PTBP3: variants seen among roughly 807,000 people sequenced by gnomAD.
PTBP3 encodes polypyrimidine tract-binding protein 3.
A neutral mutation model predicts 58.7 loss-of-function variants in PTBP3; 20 were observed. The ratio of observed to expected loss-of-function variants is 0.34; its 90% CI spans 0.24 to 0.50. The LOEUF is 0.50. Ranked by LOEUF, PTBP3 falls within the 20% of genes least tolerant of loss-of-function variation. The pLI, the probability that PTBP3 is intolerant of heterozygous loss-of-function variation, is 0.98. For synonymous variants in PTBP3, 185 were observed against 219.8 expected (o/e 0.84, Z 1.40); for missense variants, 509 against 637.2 (o/e 0.80, Z 2.17).
intron 13 of PTBP3, 55 bp downstream of exon 13, chr9:112,224,078 A>G: frequency 6.4e-7 from 1 of 1,550,674 alleles, no homozygotes; most frequent in African/African-American, 1.4e-5. Flanking sequence ...CTACCTTTAA[A>G]ATTTGCATAC....
chr9:112,256,274 T>A (rs1349742229), intron 5 of PTBP3, among the ~76,000 whole-genome samples: 15 of 59,966 alleles, frequency 2.5e-4, no homozygotes, highest in South Asian at 3.8e-4. Context: ...AAAAACAAAA[T>A]ATATATATAT....
At chr9:112,289,485 C>T (rs1245005263) in intron 2 of PTBP3, among the ~76,000 whole-genome samples, 1 of 152,034 alleles carries the variant, frequency 6.6e-6, no homozygotes. Context: ...TTTTGGTCAA[C>T]AGAAGTACCA....
intron 7 of PTBP3, among the ~76,000 whole-genome samples, chr9:112,239,224 C>A (rs890970163): frequency 4.6e-5 from 7 of 151,968 alleles, no homozygotes; most frequent in African/African-American, 1.7e-4. Context: ...AACTTCAAAC[C>A]AGTAGTGGAA....
rs188820041 is a variant in PTBP3 at position 112,266,014 on chromosome 9, T to C, written c.351+2035A>G. On this transcript the variant is annotated intron_variant, in intron 4 of 13. Transcript: ENST00000374257. The stretch of plus-strand genomic sequence containing the variant: ...AGCATGGTACTGAAGTCAGAAAAGA[T>C]TGTATTATGACATCCTAAGAGCTTT... 1.8e-3 allele frequency among the ~76,000 whole-genome samples: 271 copies of C among 152,272 alleles called. 1 individual carries two copies. The highest frequency in any genetic ancestry group is 0.01 in the Middle Eastern group (3 of 294).
At chr9:112,303,645 C>A (rs1220684862) in intron 1 of PTBP3, among the ~76,000 whole-genome samples, 1 of 151,880 alleles carries the variant, frequency 6.6e-6, no homozygotes, top group Non-Finnish European at 1.5e-5. Flanking sequence ...GCGGGCAGAT[C>A]ATGAGGTCAG....
At chr9:112,299,488 G>C (rs1828823879) in intron 1 of PTBP3, among the ~76,000 whole-genome samples, 1 of 152,116 alleles carries the variant, frequency 6.6e-6, no homozygotes, top group African/African-American at 2.4e-5. Context: ...TTTATATCCA[G>C]CACGTACTAA....
At position 112,287,956 on chromosome 9, in the gene PTBP3, T is replaced by C. The variant is rs145834314; in HGVS notation, c.34+9876A>G. On this transcript the variant is annotated intron_variant, in intron 2 of 13. Coordinates refer to ENST00000374257, the MANE Select transcript of PTBP3 (RefSeq NM_001163788.4). ...GGTCACATTTTTTTGGTTCTTAACA[T>C]GTCTGGCAATTGGATGCTCCACATT... 4.0e-3 allele frequency among the ~76,000 whole-genome samples: 605 copies of C among 152,338 alleles called. 4 individuals are homozygous for C. The highest frequency in any genetic ancestry group is 0.014 in the African/African-American group (586 of 41,584).
intron 2 of PTBP3, among the ~76,000 whole-genome samples, chr9:112,285,284 A>G (rs568461851): frequency 2.8e-4 from 43 of 152,306 alleles, no homozygotes; most frequent in African/African-American, 9.6e-4. Flanking sequence ...CCATGTAATA[A>G]GACTTTGCCT....
At chr9:112,243,596 T>C (rs938417554) in intron 7 of PTBP3, among the ~76,000 whole-genome samples, 1 of 152,168 alleles carries the variant, frequency 6.6e-6, no homozygotes, top group African/African-American at 2.4e-5. Context: ...TGACATTATC[T>C]GTAGATGATA....
At chr9:112,292,014 A>G (rs1240478911) in intron 2 of PTBP3, among the ~76,000 whole-genome samples, 1 of 152,196 alleles carries the variant, frequency 6.6e-6, no homozygotes, top group African/African-American at 2.4e-5. Context: ...ACAACTCAAC[A>G]ACAAAAACAA....
chr9:112,361,389 G>A, the PTBP3 span, among the ~76,000 whole-genome samples: 12 of 152,034 alleles, frequency 7.9e-5, no homozygotes, highest in Non-Finnish European at 1.5e-4. Context: ...GTAAGCCATG[G>A]CACCCAGCCT....
chr9:112,299,064 G>C (rs913362267), intron 1 of PTBP3, among the ~76,000 whole-genome samples: 14 of 152,274 alleles, frequency 9.2e-5, no homozygotes, highest in Admixed American at 3.9e-4. Context: ...ATAATTAACA[G>C]ACTGTGGTTT....
the PTBP3 span, among the ~76,000 whole-genome samples, chr9:112,362,424 G>A: frequency 5.9e-5 from 9 of 152,264 alleles, no homozygotes; most frequent in Admixed American, 2.0e-4. Context: ...TCAGGTATAT[G>A]ATTTATAAGT....
intron 7 of PTBP3, among the ~76,000 whole-genome samples, chr9:112,239,060 A>T (rs773373587): frequency 1.4e-4 from 21 of 152,188 alleles, no homozygotes; most frequent in Non-Finnish European, 2.9e-4. Context: ...ATAACATAAA[A>T]ATATAATAAC....
chr9:112,333,228 G>A (rs1283600157), intron 1 of PTBP3, among the ~76,000 whole-genome samples: 1 of 152,160 alleles, frequency 6.6e-6, no homozygotes, highest in African/African-American at 2.4e-5. Flanking sequence ...AGTAAGGCTA[G>A]GAAGCAGCGG....
In PTBP3 at chr9:112,319,141, AAAAG is replaced by A. The variant is rs1165629466; in HGVS notation, c.-52+14325_-52+14328del. On this transcript the variant is annotated intron_variant, in intron 1 of 13. Transcript: ENST00000374257. ...AAACTCCGTCTCAAGAAAAAAAAAA[AAAAG>A]AAAGAAAATTTCATTTACAATAGCT... 5.3e-5 allele frequency among the ~76,000 whole-genome samples: 8 copies of A among 150,078 alleles called. No individual in the cohort carries two copies. In the East Asian group the frequency reaches 1.2e-3, roughly 22 times the overall value.
At position 112,310,139 on chromosome 9, in the gene PTBP3, A is replaced by C. The variant is rs187395767; in HGVS notation, c.-51-12223T>G. 5.3e-5 allele frequency among the ~76,000 whole-genome samples: 8 copies of C among 152,328 alleles called. No homozygotes were observed. In the East Asian group the frequency reaches 1.5e-3, roughly 29 times the overall value. On this transcript the variant is annotated intron_variant, in intron 1 of 13. Transcript: ENST00000374257. The stretch of plus-strand genomic sequence containing the variant: ...GTTCATTTGTGACATTTTTATTCCA[A>C]GACTGCCACTGTTGAGATTCTAGGG...
At chr9:112,291,866 G>T (rs1000411709) in intron 2 of PTBP3, among the ~76,000 whole-genome samples, 3 of 152,100 alleles carry the variant, frequency 2.0e-5, no homozygotes, top group Admixed American at 6.5e-5. Context: ...ATGAACAAAT[G>T]GGGCTAATAT....
chr9:112,294,743 T>C (rs2132299300), intron 2 of PTBP3, among the ~76,000 whole-genome samples: 1 of 152,246 alleles, frequency 6.6e-6, no homozygotes, highest in Admixed American at 6.5e-5. Context: ...CATTGAATAA[T>C]TCCAAAATTC....
Sources: allele counts gnomAD v4.1 joint callset (sites outside exome capture counted in the v4.1 genomes callset), GRCh38; gene constraint gnomAD v4.1.1; transcripts MANE v1.5; gene names NCBI Gene and HGNC (gene_info 2026-07-23, HGNC 2026-07-21).